TENM4: variants seen among roughly 807,000 people sequenced by gnomAD.
The protein encoded by TENM4 is teneurin transmembrane protein 4, also known as teneurin-4.
A neutral mutation model predicts 243.3 loss-of-function variants in TENM4; 82 were observed. The ratio of observed to expected loss-of-function variants is 0.34; its 90% CI spans 0.28 to 0.40. The LOEUF (loss-of-function observed/expected upper bound fraction) is 0.40. TENM4 is among the 10% of genes least tolerant of loss of function. The pLI, the probability that TENM4 is intolerant of heterozygous loss-of-function variation, is 1.00. For missense variants in TENM4, 3,138 were observed against 3,673.3 expected (o/e 0.85, Z 3.77); for synonymous variants, 1,412 against 1,456.3 (o/e 0.97, Z 0.69).
At chr11:78,905,627 C>T (rs187762018) in intron 6 of TENM4, among the ~76,000 whole-genome samples, 2 of 152,308 alleles carry the variant, frequency 1.3e-5, no homozygotes, top group Admixed American at 1.3e-4. Flanking sequence ...CTGAGACCAT[C>T]TGAATGGCCA....
chr11:79,003,382 A>T (rs371234658), intron 6 of TENM4, among the ~76,000 whole-genome samples: 23 of 152,264 alleles, frequency 1.5e-4, no homozygotes, highest in African/African-American at 5.1e-4. Context: ...GAAAAAAAAA[A>T]AAGTTAATGG....
At chr11:78,720,235 A>G (rs1327373034) in intron 25 of TENM4, 135 bp downstream of exon 25, 15 of 1,046,444 alleles carry the variant, frequency 1.4e-5, no homozygotes, top group African/African-American at 4.7e-5. Flanking sequence ...TCCCATTGCA[A>G]CTGATTACCC....
intron 6 of TENM4, among the ~76,000 whole-genome samples, chr11:78,991,213 C>T (rs541826189): frequency 7.9e-5 from 12 of 152,186 alleles, no homozygotes; most frequent in African/African-American, 2.9e-4. Context: ...CCCAGGGTAG[C>T]CCTCCTGAGA....
chr11:79,339,157 G>T (rs551499945), intron 1 of TENM4, among the ~76,000 whole-genome samples: 1 of 152,258 alleles, frequency 6.6e-6, no homozygotes, highest in South Asian at 2.1e-4. Flanking sequence ...TTGTTGGACG[G>T]GGCTGTCCTT....
At chr11:78,700,290 T>C in intron 28 of TENM4, among the ~76,000 whole-genome samples, 1 of 152,218 alleles carries the variant, frequency 6.6e-6, no homozygotes, top group East Asian at 1.9e-4. Context: ...GGCATCAGAC[T>C]TGGACTGCGA....
chr11:78,746,733 G>T (rs527442916), intron 19 of TENM4, among the ~76,000 whole-genome samples: 1 of 152,184 alleles, frequency 6.6e-6, no homozygotes, highest in Non-Finnish European at 1.5e-5. Flanking sequence ...AAATACCGTC[G>T]TTGTGCCTGG....
At chr11:78,736,876 A>G (rs1483694474) in intron 20 of TENM4, among the ~76,000 whole-genome samples, 1 of 152,208 alleles carries the variant, frequency 6.6e-6, no homozygotes. Flanking sequence ...TAGGAGGATG[A>G]TGCAGGAAAC....
chr11:78,944,112 C>G (rs188328580), intron 6 of TENM4, among the ~76,000 whole-genome samples: 67 of 152,292 alleles, frequency 4.4e-4, no homozygotes, highest in Admixed American at 1.3e-4. Flanking sequence ...GCCAAGAAGG[C>G]AGAGTGACTC....
rs1324295516 is a variant in TENM4 at position 78,688,201 on chromosome 11, T to C, written c.5113A>G (p.Asn1705Asp). ...ACCTGGCCAGTAGGGAAGGTCACAT[T>C]TGTCAGGCGGCCAAAGCTGTCGTAC... ...YEYDSFGRLT[N>D]VTFPTGQVSS... The change falls in exon 29 of 34, where the codon AAT (asparagine) becomes GAT (aspartate). Residue 1705 changes from asparagine (N) to aspartate (D), a missense_variant. Transcript: ENST00000278550. The C allele has an allele frequency of 1.2e-6, 2 of 1,613,584 alleles. No individual in the cohort carries two copies. Among genetic ancestry groups the C allele is most frequent in the Admixed American group, 3.3e-5 (2 of 59,978 alleles).
chr11:78,708,568 C>T (rs1322540395), intron 26 of TENM4, 53 bp from the exon 27 acceptor site: 10 of 1,589,156 alleles, frequency 6.3e-6, no homozygotes, highest in Middle Eastern at 1.7e-4. Context: ...GACAATGACC[C>T]GCACATTCCT....
intron 30 of TENM4, among the ~76,000 whole-genome samples, chr11:78,674,145 C>A (rs903801123): frequency 1.3e-5 from 2 of 152,214 alleles, no homozygotes; most frequent in Non-Finnish European, 2.9e-5. Flanking sequence ...GGGAGCTGTA[C>A]CTTTTTGGCA....
At chr11:78,676,085 G>C in intron 30 of TENM4, 67 bp downstream of exon 30, 2 of 1,377,330 alleles carry the variant, frequency 1.5e-6, no homozygotes, top group Non-Finnish European at 9.6e-7. Context: ...TTCAAGAACA[G>C]AGCCCCGTTC....
chr11:78,806,457 G>A (rs182555794), intron 14 of TENM4, among the ~76,000 whole-genome samples: 1 of 152,332 alleles, frequency 6.6e-6, no homozygotes, highest in Admixed American at 6.5e-5. Context: ...AGGGCCAAGG[G>A]TCAAAGTGGT....
chr11:78,821,165 C>T lies in TENM4; in HGVS notation c.1682-6770G>A, dbSNP rs183792490. Among the ~76,000 whole-genome samples the T allele has an allele frequency of 4.3e-3, 650 of 152,332 alleles. 8 individuals are homozygous for T. Among genetic ancestry groups the T allele is most frequent in the Non-Finnish European group, 2.9e-3 (196 of 68,032 alleles). On this transcript the variant is annotated intron_variant, in intron 12 of 33. Coordinates refer to ENST00000278550, the MANE Select transcript of TENM4 (RefSeq NM_001098816.3). Reference sequence around the variant, plus strand: ...GTCCACCAACCACTATTAAGACCAGCTCTAAGGAAAGGTCTAGGAGAAAGA... The same window carrying T: ...GTCCACCAACCACTATTAAGACCAGTTCTAAGGAAAGGTCTAGGAGAAAGA...
At chr11:79,135,179 G>A (rs1414186129) in intron 4 of TENM4, among the ~76,000 whole-genome samples, 1 of 152,002 alleles carries the variant, frequency 6.6e-6, no homozygotes, top group Non-Finnish European at 1.5e-5. Context: ...CAAAAAGTGG[G>A]CTAAGGACAC....
intron 9 of TENM4, among the ~76,000 whole-genome samples, chr11:78,875,240 T>C (rs1233608128): frequency 6.6e-6 from 1 of 152,190 alleles, no homozygotes; most frequent in Non-Finnish European, 1.5e-5. Flanking sequence ...TCATTTTTTT[T>C]TCTTTTGAGA....
chr11:79,315,763 C>T (rs1483254804), intron 1 of TENM4, among the ~76,000 whole-genome samples: 2 of 152,202 alleles, frequency 1.3e-5, no homozygotes, highest in African/African-American at 4.8e-5. Flanking sequence ...GCATCCCCTT[C>T]ATGAGCTGTG....
At chr11:78,920,591 AT>A (rs757024870) in intron 6 of TENM4, among the ~76,000 whole-genome samples, 194 of 150,500 alleles carry the variant, frequency 1.3e-3, no homozygotes, top group African/African-American at 4.5e-3. Context: ...ACTCACATTG[AT>A]TTTTTTTTTC....
At chr11:78,868,076 TAA>T (rs10699998) in intron 9 of TENM4, among the ~76,000 whole-genome samples, 1 of 134,892 alleles carries the variant, frequency 7.4e-6, no homozygotes, top group African/African-American at 2.8e-5. Flanking sequence ...AGCCACAGAT[TAA>T]AAAAAAAAAA....
Sources: allele counts gnomAD v4.1 joint callset (sites outside exome capture counted in the v4.1 genomes callset), GRCh38; gene constraint gnomAD v4.1.1; transcripts MANE v1.5; gene names NCBI Gene and HGNC (gene_info 2026-07-23, HGNC 2026-07-21).